The following ZNF469 variants were observed in gnomAD, a reference collection of about 807,000 sequenced individuals.
ZNF469 encodes the protein zinc finger protein 469.
A neutral mutation model predicts 1.0 loss-of-function variants in ZNF469; 1 was observed. The observed-to-expected ratio is 1.00, with a 90% CI of 0.35 to 4.73. The LOEUF is 4.73. ZNF469 is among the 30% of genes most tolerant of loss of function. The pLI, the probability that ZNF469 is intolerant of heterozygous loss-of-function variation, is 0.16. For synonymous variants in ZNF469, 2,703 were observed against 2,363.4 expected, an observed-to-expected ratio of 1.14 and a Z score of -4.17; for missense variants, 6,100 against 5,356.3, an observed-to-expected ratio of 1.14 and a Z score of -4.33.
chr16:88,427,992 C>T lies in ZNF469; in HGVS notation c.522C>T (p.Ala174=). The T allele has an allele frequency of 3.9e-6, 6 of 1,550,038 alleles. No individual in the cohort carries two copies. The highest frequency in any genetic ancestry group is 2.4e-5 in the South Asian group (2 of 84,068). The change falls in exon 3 of 3, where the codon GCC becomes GCT. Residue 174 remains alanine, a synonymous_variant. Coordinates refer to ENST00000565624, the MANE Select transcript of ZNF469 (RefSeq NM_001367624.2). ...PGLPRTEAQP[A]AEELGFHRCF... is the part of the protein sequence containing the mutation. ...TCCCAAGGACTGAGGCCCAACCCGCCGCCGAAGAGCTTGGCTTCCACAGGT... is the reference window on the plus strand; with the variant it reads ...TCCCAAGGACTGAGGCCCAACCCGCTGCCGAAGAGCTTGGCTTCCACAGGT...
chr16:88,411,845 G>T (rs903745182), intron 1 of ZNF469, among the ~76,000 whole-genome samples: 1 of 152,132 alleles, frequency 6.6e-6, no homozygotes, highest in Non-Finnish European at 1.5e-5. Flanking sequence ...AGCTGAACAG[G>T]CCCACACCTG....
the ZNF469 span, among the ~76,000 whole-genome samples, chr16:88,185,537 ACCCACT>A: frequency 2.0e-5 from 3 of 151,624 alleles, no homozygotes; most frequent in African/African-American, 7.3e-5. Context: ...CCAGACCCAC[ACCCACT>A]CACATTCGCA....
chr16:88,354,143 C>A, the ZNF469 span, among the ~76,000 whole-genome samples: 1 of 152,208 alleles, frequency 6.6e-6, no homozygotes. Flanking sequence ...GGCTAGGTGA[C>A]AGCTCCCTGT....
At chr16:88,251,299 G>C in the ZNF469 span, among the ~76,000 whole-genome samples, 1 of 152,202 alleles carries the variant, frequency 6.6e-6, no homozygotes, top group East Asian at 1.9e-4. Flanking sequence ...TCTTGAGCAC[G>C]AGTCACACTT....
At chr16:88,364,702 G>A in the ZNF469 span, among the ~76,000 whole-genome samples, 6 of 152,112 alleles carry the variant, frequency 3.9e-5, no homozygotes, top group Admixed American at 6.5e-5. Flanking sequence ...AGTGAGTCAC[G>A]CCAGTAATCC....
intron 1 of ZNF469, among the ~76,000 whole-genome samples, chr16:88,417,816 C>T (rs995915727): frequency 6.6e-6 from 1 of 152,220 alleles, no homozygotes; most frequent in African/African-American, 2.4e-5. Flanking sequence ...GGCCCCAAAG[C>T]CCCCCATGGC....
rs1906712799 is a variant in ZNF469 at position 88,437,906 on chromosome 16, T to C, written c.10436T>C (p.Met3479Thr). The change falls in exon 3 of 3, where the codon ATG (methionine) becomes ACG (threonine). Residue 3479 changes from methionine (M) to threonine (T), a missense_variant. By Grantham distance (81) the Met-to-Thr change is moderately conservative. Transcript: ENST00000565624. Reference protein sequence around the residue: ...TLPSKRRRVAMPGSAPGPGED... With the variant: ...TLPSKRRRVATPGSAPGPGED... ...CCCAGCAAACGGCGCAGGGTGGCCATGCCCGGCAGTGCCCCTGGGCCCGGC... is the reference window on the plus strand; with the variant it reads ...CCCAGCAAACGGCGCAGGGTGGCCACGCCCGGCAGTGCCCCTGGGCCCGGC... 6 of 1,539,288 alleles carry C rather than the reference T, an allele frequency of 3.9e-6. No individual in the cohort carries two copies. The highest frequency in any genetic ancestry group is 1.4e-5 in the African/African-American group (1 of 72,756).
At chr16:88,260,432 G>A in the ZNF469 span, among the ~76,000 whole-genome samples, 3 of 152,212 alleles carry the variant, frequency 2.0e-5, no homozygotes, top group Non-Finnish European at 4.4e-5. This position sits in a 1 kb window ranked among gnomAD's most constrained non-coding sequence, Gnocchi z 4.1. Context: ...ATCTCCGGCC[G>A]TCAGTCCTAA....
intron 1 of ZNF469, among the ~76,000 whole-genome samples, chr16:88,396,551 C>A (rs971598778): frequency 6.7e-6 from 1 of 149,848 alleles, no homozygotes; most frequent in Non-Finnish European, 1.5e-5. Context: ...GGAGGAGACC[C>A]TCCTGAAGGG....
the ZNF469 span, among the ~76,000 whole-genome samples, chr16:88,267,381 T>A: frequency 4.6e-4 from 70 of 152,304 alleles, 1 homozygote; most frequent in African/African-American, 1.6e-3. Context: ...GCCCAGGGAT[T>A]GTCTGCCCGG....
Position 88,439,372 on chromosome 16 carries a change from C to T in ZNF469, c.*40C>T. 3 of 1,547,976 alleles carry T rather than the reference C, an allele frequency of 1.9e-6. No homozygotes were observed. Among genetic ancestry groups the T allele is most frequent in the Non-Finnish European group, 2.6e-6 (3 of 1,145,440 alleles). The stretch of plus-strand genomic sequence containing the variant: ...AGCCTGGGACCGGAGCTGGGCGTTC[C>T]TGTCTCGGCCTGCCTCCTTGGCCAG... On this transcript the variant is annotated 3_prime_UTR_variant, in exon 3 of 3. Coordinates refer to ENST00000565624, the MANE Select transcript of ZNF469 (RefSeq NM_001367624.2).
chr16:88,313,151 G>T, the ZNF469 span, among the ~76,000 whole-genome samples: 1 of 152,092 alleles, frequency 6.6e-6, no homozygotes, highest in Non-Finnish European at 1.5e-5. Flanking sequence ...CCTTCATGTG[G>T]CTGAGGCACA....
At chr16:88,236,493 C>G in the ZNF469 span, among the ~76,000 whole-genome samples, 2 of 152,244 alleles carry the variant, frequency 1.3e-5, no homozygotes, top group Non-Finnish European at 2.9e-5. Flanking sequence ...CCCATCACAG[C>G]CTGAACTTGT....
At chr16:88,388,044 A>C (rs771420031) in intron 1 of ZNF469, among the ~76,000 whole-genome samples, 38 of 152,272 alleles carry the variant, frequency 2.5e-4, no homozygotes, top group Non-Finnish European at 4.4e-4. Flanking sequence ...AGTGGGGTGC[A>C]CAGCACCTGG....
At chr16:88,264,165 C>T in the ZNF469 span, among the ~76,000 whole-genome samples, 9 of 152,218 alleles carry the variant, frequency 5.9e-5, no homozygotes, top group African/African-American at 1.9e-4. Flanking sequence ...CGGCCCTGCC[C>T]ACAAGGTCAC....
chr16:88,121,084 G>A, the ZNF469 span, among the ~76,000 whole-genome samples: 1 of 139,572 alleles, frequency 7.2e-6, no homozygotes, highest in African/African-American at 2.6e-5. Flanking sequence ...GCTGCATGAG[G>A]CACCTGCTGT....
the ZNF469 span, among the ~76,000 whole-genome samples, chr16:88,199,807 C>A: frequency 1.3e-5 from 2 of 152,234 alleles, no homozygotes; most frequent in Non-Finnish European, 2.9e-5. Context: ...GCGTCCCCAC[C>A]TGGGAGTCAG....
rs565910022 is a variant in ZNF469, at chr16:88,422,493, G to T, written c.-191-2314G>T. 2.7e-5 allele frequency among the ~76,000 whole-genome samples: 4 copies of T among 146,930 alleles called. No homozygotes were observed. In the East Asian group the frequency reaches 8.5e-4, roughly 31 times the overall value. ...TGGATGGATGGGTGGGTGGATAGAT[G>T]GGTGAGTGATGGGTGGATGATGGGT... On this transcript the variant is annotated intron_variant, in intron 1 of 2. Transcript: ENST00000565624.
chr16:88,120,994 G>A, the ZNF469 span, among the ~76,000 whole-genome samples: 1 of 151,968 alleles, frequency 6.6e-6, no homozygotes, highest in African/African-American at 2.4e-5. Context: ...GGTGTGGGGT[G>A]TTTTGCACCC....
Sources: allele counts gnomAD v4.1 joint callset (sites outside exome capture counted in the v4.1 genomes callset), GRCh38; gene constraint gnomAD v4.1.1; non-coding constraint Gnocchi (gnomAD v3.1); transcripts MANE v1.5; gene names NCBI Gene and HGNC (gene_info 2026-07-23, HGNC 2026-07-21).